VWA8: variants seen among roughly 807,000 people sequenced by gnomAD.
The protein encoded by VWA8 is von Willebrand factor A domain containing 8.
A neutral mutation model predicts 241.5 loss-of-function variants in VWA8; 221 were observed. That is an observed-to-expected ratio of 0.91 (90% CI 0.82 to 1.02). The LOEUF (loss-of-function observed/expected upper bound fraction) is 1.02, where lower values mean the gene tolerates loss of function less well. Ranked by LOEUF, VWA8 falls within the 50% of genes least tolerant of loss-of-function variation. VWA8 has a pLI of 0.00. For synonymous variants in VWA8, 852 were observed against 827.1 expected (o/e 1.03, Z -0.52); for missense variants, 2,322 against 2,328.7 (o/e 1.00, Z 0.06).
At chr13:41,718,633 C>T (rs2045362003) in intron 26 of VWA8, among the ~76,000 whole-genome samples, 1 of 151,428 alleles carries the variant, frequency 6.6e-6, no homozygotes, top group Non-Finnish European at 1.5e-5. Flanking sequence ...TGGCATATAT[C>T]CTGACAAGTT....
chr13:41,756,662 G>A (rs1380764751), intron 21 of VWA8, among the ~76,000 whole-genome samples: 1 of 151,532 alleles, frequency 6.6e-6, no homozygotes, highest in Non-Finnish European at 1.5e-5. Flanking sequence ...ATGGTGAAGT[G>A]ATTCTCATAA....
intron 2 of VWA8, chr13:41,926,224 A>G (rs1790894883): frequency 4.3e-6 from 3 of 694,148 alleles, no homozygotes; most frequent in Non-Finnish European, 7.9e-6. Flanking sequence ...CCCCACATGC[A>G]TATGTTACCT....
rs368524351 is a variant in VWA8, at chr13:41,671,798, T to C, written c.4410-651A>G. On this transcript the variant is annotated intron_variant, in intron 36 of 44. Transcript: ENST00000379310. ...TAGCCCTCTGTAAGACAGCCTTCAC[T>C]AGGAACTGAATTGGCTGGCCCCTTT... is the stretch of plus-strand genomic sequence containing the variant. 9.9e-5 allele frequency among the ~76,000 whole-genome samples: 15 copies of C among 152,268 alleles called. No individual in the cohort carries two copies. In the South Asian group the frequency reaches 2.9e-3, roughly 29 times the overall value.
chr13:41,796,696 G>T (rs1869716638), intron 17 of VWA8, among the ~76,000 whole-genome samples: 3 of 150,640 alleles, frequency 2.0e-5, no homozygotes, highest in South Asian at 2.1e-4. Context: ...CTTTCTTTGG[G>T]TTTAGTCTGT....
At chr13:41,729,457 T>G (rs537385150) in intron 23 of VWA8, 85 bp downstream of exon 23, 6 of 1,335,558 alleles carry the variant, frequency 4.5e-6, no homozygotes, top group Non-Finnish European at 6.0e-6. Context: ...TTATTGTAAA[T>G]AAGTAGGCAG....
chr13:41,739,569 G>T (rs1177907595), intron 21 of VWA8, among the ~76,000 whole-genome samples: 1 of 152,008 alleles, frequency 6.6e-6, no homozygotes, highest in African/African-American at 2.4e-5. Flanking sequence ...CTAGCTTTAT[G>T]TTTATCAGAC....
chr13:41,898,633 G>A (rs577668824), intron 4 of VWA8, among the ~76,000 whole-genome samples: 10 of 152,368 alleles, frequency 6.6e-5, no homozygotes, highest in Middle Eastern at 3.4e-3. Context: ...AGCAGGGGGC[G>A]GCATTCGTCC....
chr13:41,707,547 A>C (rs1243469946), intron 26 of VWA8, among the ~76,000 whole-genome samples: 3 of 152,076 alleles, frequency 2.0e-5, no homozygotes, highest in Non-Finnish European at 4.4e-5. Context: ...AAAAATAACA[A>C]CTCCAATTTT....
At chr13:41,702,563 C>A (rs2045257442) in intron 27 of VWA8, among the ~76,000 whole-genome samples, 1 of 152,200 alleles carries the variant, frequency 6.6e-6, no homozygotes, top group Non-Finnish European at 1.5e-5. Context: ...CAGGTCTGAT[C>A]CACAGCCTGT....
At chr13:41,726,797 C>A (rs1259164079) in intron 24 of VWA8, among the ~76,000 whole-genome samples, 2 of 152,074 alleles carry the variant, frequency 1.3e-5, no homozygotes, top group African/African-American at 4.8e-5. Flanking sequence ...GAGTTCGAGA[C>A]CAGCCTGGCC....
chr13:41,880,571 C>A, intron 9 of VWA8, among the ~76,000 whole-genome samples: 1 of 152,240 alleles, frequency 6.6e-6, no homozygotes, highest in East Asian at 1.9e-4. Context: ...ATGCATTTAG[C>A]TATCCAATCT....
intron 21 of VWA8, among the ~76,000 whole-genome samples, chr13:41,750,806 G>A: frequency 6.6e-6 from 1 of 151,600 alleles, no homozygotes; most frequent in Non-Finnish European, 1.5e-5. Flanking sequence ...TCTTGAGATG[G>A]AATCCACTCT....
At chr13:41,664,328 G>T (rs918362099) in intron 37 of VWA8, among the ~76,000 whole-genome samples, 1 of 151,252 alleles carries the variant, frequency 6.6e-6, no homozygotes, top group Non-Finnish European at 1.5e-5. Flanking sequence ...CTCAAAATTA[G>T]AAGTTATCGG....
chr13:41,925,793 T>C, intron 2 of VWA8: 1 of 256,048 alleles, frequency 3.9e-6, no homozygotes, highest in South Asian at 5.8e-5. Context: ...GTGTGGGTAC[T>C]GAGGAGAAGA....
intron 20 of VWA8, among the ~76,000 whole-genome samples, chr13:41,761,417 C>T (rs2045739179): frequency 6.6e-6 from 1 of 151,978 alleles, no homozygotes; most frequent in Non-Finnish European, 1.5e-5. Context: ...TAGTTCTAAG[C>T]CATTCTTATT....
At chr13:41,898,615 C>T (rs541102426) in intron 4 of VWA8, among the ~76,000 whole-genome samples, 1 of 152,372 alleles carries the variant, frequency 6.6e-6, no homozygotes, top group African/African-American at 2.4e-5. Flanking sequence ...TGGGACTGGG[C>T]GCCGTGGAGC....
chr13:41,641,133 G>A (rs1456664304), intron 37 of VWA8, among the ~76,000 whole-genome samples: 3 of 152,050 alleles, frequency 2.0e-5, no homozygotes, highest in East Asian at 1.9e-4. Context: ...CTTCAAGCAC[G>A]CACCCTGAAT....
chr13:41,703,274 T>C, intron 27 of VWA8, 29 bp downstream of exon 27: 1 of 1,576,134 alleles, frequency 6.3e-7, no homozygotes, highest in Non-Finnish European at 8.7e-7. Context: ...AGGTTCAATA[T>C]TTTAAGAGAG....
intron 37 of VWA8, among the ~76,000 whole-genome samples, chr13:41,660,308 GT>G (rs937707202): frequency 5.3e-5 from 8 of 152,016 alleles, no homozygotes; most frequent in African/African-American, 1.9e-4. Flanking sequence ...TAGAGATGGG[GT>G]TTCTCCATGT....
Sources: gnomAD v4.1 joint callset for allele counts (sites outside exome capture counted in the v4.1 genomes callset) on GRCh38, gnomAD v4.1.1 for gene constraint, MANE v1.5 for transcripts, NCBI Gene and HGNC (gene_info 2026-07-23, HGNC 2026-07-21) for gene names.